The following GPHN variants were observed in gnomAD, a reference collection of about 807,000 sequenced individuals.
GPHN encodes gephyrin.
A neutral mutation model predicts 95.5 loss-of-function variants in GPHN; 17 were observed. That is an observed-to-expected ratio of 0.18 (90% CI 0.12 to 0.27). The LOEUF (loss-of-function observed/expected upper bound fraction) is 0.27, where lower values mean the gene tolerates loss of function less well. Among genes scored for constraint, GPHN ranks in the 10% least tolerant of loss-of-function variants. GPHN has a pLI of 1.00. For synonymous variants in GPHN, 320 were observed against 322.5 expected, an observed-to-expected ratio of 0.99 and a Z score of 0.08; for missense variants, 660 against 978.1, an observed-to-expected ratio of 0.67 and a Z score of 4.34.
At chr14:67,397,794 C>A in the GPHN span, 4 of 1,612,666 alleles carry the variant, frequency 2.5e-6, no homozygotes, top group Non-Finnish European at 8.5e-7. Flanking sequence ...GAAGGATGAA[C>A]CATCGCGCCT....
At chr14:67,519,545 A>G in the GPHN span, among the ~76,000 whole-genome samples, 1 of 152,124 alleles carries the variant, frequency 6.6e-6, no homozygotes, top group Admixed American at 6.5e-5. Context: ...ACTCTGGTGT[A>G]AGCCCTACTA....
chr14:67,301,003 C>G, the GPHN span, among the ~76,000 whole-genome samples: 1 of 152,040 alleles, frequency 6.6e-6, no homozygotes, highest in African/African-American at 2.4e-5. Context: ...GACTATAACT[C>G]TTTAAGTTGT....
At chr14:67,188,874 A>G in the GPHN span, among the ~76,000 whole-genome samples, 8 of 145,604 alleles carry the variant, frequency 5.5e-5, 1 homozygote, top group Admixed American at 5.6e-4. Flanking sequence ...TTCTTTCAAT[A>G]GAAATGGGGT....
At chr14:66,817,067 A>C (rs1476985003) in intron 3 of GPHN, among the ~76,000 whole-genome samples, 1 of 152,104 alleles carries the variant, frequency 6.6e-6, no homozygotes, top group Admixed American at 6.6e-5. Context: ...TATTTCCGAA[A>C]GTTTTCTTAA....
chr14:66,552,509 C>G (rs1396152834), intron 1 of GPHN, among the ~76,000 whole-genome samples: 2 of 152,138 alleles, frequency 1.3e-5, no homozygotes, highest in Admixed American at 1.3e-4. Context: ...TTTACCATTT[C>G]TGAAGCTCTT....
intron 5 of GPHN, among the ~76,000 whole-genome samples, chr14:66,914,827 AAAAC>A (rs2065830410): frequency 1.3e-5 from 2 of 152,226 alleles, no homozygotes; most frequent in African/African-American, 2.4e-5. Flanking sequence ...TTTGGAAAGA[AAAAC>A]AAAATTCCTA....
the GPHN span, chr14:67,645,550 T>G: frequency 6.3e-6 from 9 of 1,431,796 alleles, no homozygotes; most frequent in Non-Finnish European, 8.6e-6. Context: ...CTTTGCACTG[T>G]GGAGAGAGTA....
the GPHN span, chr14:67,562,062 G>C: frequency 6.2e-7 from 1 of 1,610,986 alleles, no homozygotes; most frequent in East Asian, 2.2e-5. Flanking sequence ...GTGCAGGTGT[G>C]CAGTACGTGT....
chr14:66,882,219 T>G (rs1479201563), intron 5 of GPHN, among the ~76,000 whole-genome samples: 3 of 151,782 alleles, frequency 2.0e-5, no homozygotes, highest in Non-Finnish European at 4.4e-5. Flanking sequence ...TTATTCTTTT[T>G]TACATCCTCA....
chr14:66,731,644 G>C (rs943718884), intron 2 of GPHN, among the ~76,000 whole-genome samples: 1 of 152,136 alleles, frequency 6.6e-6, no homozygotes, highest in Non-Finnish European at 1.5e-5. Context: ...TGATAGAAAA[G>C]AAAAATCAAT....
intron 2 of GPHN, among the ~76,000 whole-genome samples, chr14:66,770,360 T>C (rs1422999604): frequency 6.6e-6 from 1 of 152,246 alleles, no homozygotes; most frequent in Non-Finnish European, 1.5e-5. Flanking sequence ...ATTTTTGCTT[T>C]TGTTGCAATT....
chr14:67,409,128 A>C, the GPHN span, among the ~76,000 whole-genome samples: 1 of 152,126 alleles, frequency 6.6e-6, no homozygotes, highest in Admixed American at 6.5e-5. Flanking sequence ...CTGTAGTCCC[A>C]GCTACTAGGG....
At chr14:66,796,815 T>C (rs2060172718) in intron 3 of GPHN, among the ~76,000 whole-genome samples, 2 of 152,046 alleles carry the variant, frequency 1.3e-5, no homozygotes, top group Non-Finnish European at 2.9e-5. Flanking sequence ...GCAAAAGACA[T>C]TTAATGTGAT....
the GPHN span, chr14:67,515,558 C>A: frequency 6.5e-6 from 1 of 154,234 alleles, no homozygotes; most frequent in South Asian, 1.9e-4. Flanking sequence ...CTGTCCCCTC[C>A]GACCCCTCTG....
At chr14:66,693,426 T>TGATA (rs749396003) in intron 2 of GPHN, among the ~76,000 whole-genome samples, 20 of 152,170 alleles carry the variant, frequency 1.3e-4, no homozygotes, top group South Asian at 6.2e-4. Context: ...ATTGATTGAT[T>TGATA]GATAGATAGA....
intron 5 of GPHN, among the ~76,000 whole-genome samples, chr14:66,883,938 CTTCTT>C (rs1301581137): frequency 5.9e-5 from 9 of 152,106 alleles, no homozygotes; most frequent in African/African-American, 1.9e-4. Context: ...CTTTAGCTCT[CTTCTT>C]TTCAAGAATT....
chr14:67,283,579 A>G, the GPHN span, among the ~76,000 whole-genome samples: 1 of 152,162 alleles, frequency 6.6e-6, no homozygotes. Flanking sequence ...AATAAATGTT[A>G]TTAGCCATTC....
chr14:67,564,269 C>T, the GPHN span, among the ~76,000 whole-genome samples: 3 of 152,088 alleles, frequency 2.0e-5, no homozygotes, highest in Non-Finnish European at 4.4e-5. Context: ...TCTCAATGTG[C>T]TGGGATTATA....
At chr14:67,662,467 T>C in the GPHN span, 2,955 of 1,612,472 alleles carry the variant, frequency 1.8e-3, 7 homozygotes, top group Middle Eastern at 6.6e-3. Context: ...AATTTGTTCC[T>C]TGTTCTCACC....
Sources: gnomAD v4.1 joint callset for allele counts (sites outside exome capture counted in the v4.1 genomes callset) on GRCh38, gnomAD v4.1.1 for gene constraint, MANE v1.5 for transcripts, NCBI Gene and HGNC (gene_info 2026-07-23, HGNC 2026-07-21) for gene names.